Variants in NDUFA10 observed in about 807,000 individuals in gnomAD.
NDUFA10 encodes NADH:ubiquinone oxidoreductase subunit A10.
In NDUFA10, 40 loss-of-function variants were observed where a neutral mutation model predicts 47.8. That is an observed-to-expected ratio of 0.84 (90% CI 0.65 to 1.09). The LOEUF is 1.09. Among genes scored for constraint, NDUFA10 ranks in the 50% least tolerant of loss-of-function variants. NDUFA10 has a pLI of 0.00. For missense variants in NDUFA10, 413 were observed against 451.1 expected (o/e 0.92, Z 0.76); for synonymous variants, 183 against 172.2 (o/e 1.06, Z -0.49).
intron 9 of NDUFA10, among the ~76,000 whole-genome samples, chr2:239,966,220 G>T (rs2106401138): frequency 6.6e-6 from 1 of 152,282 alleles, no homozygotes; most frequent in Middle Eastern, 3.4e-3. Flanking sequence ...GACAACCTGG[G>T]CTGACTCAGT....
intron 3 of NDUFA10, among the ~76,000 whole-genome samples, chr2:240,019,818 CAAAAAAAAAAAAAA>C (rs60278142): frequency 8.2e-5 from 1 of 12,222 alleles, no homozygotes; most frequent in Non-Finnish European, 1.4e-4. Flanking sequence ...GACTCCGTCT[CAAAAAAAAAAAAAA>C]AAAAAAAAAA....
At position 240,025,342 on chromosome 2, in the gene NDUFA10, C is replaced by G; in HGVS notation, c.-41G>C. 1.4e-6 allele frequency: 2 copies of G among 1,458,838 alleles called. No homozygotes were observed. The highest frequency in any genetic ancestry group is 9.1e-7 in the Non-Finnish European group (1 of 1,101,798). The allele number at this position is 1,458,838 out of a possible 1,614,324, so 90.4% of individuals were successfully genotyped here. On this transcript the variant is annotated 5_prime_UTR_variant, in exon 1 of 10. Coordinates refer to ENST00000252711, the MANE Select transcript of NDUFA10 (RefSeq NM_004544.4). ...TCAGGATCAAGGACCCAAGGGGACGCGGTCGCGACGGGGCCCTCTCTCGCG... is the reference window on the plus strand; with the variant it reads ...TCAGGATCAAGGACCCAAGGGGACGGGGTCGCGACGGGGCCCTCTCTCGCG...
chr2:239,999,995 G>C (rs1004367392), intron 8 of NDUFA10, among the ~76,000 whole-genome samples: 1 of 152,202 alleles, frequency 6.6e-6, no homozygotes, highest in Admixed American at 6.5e-5. Context: ...GTGGCTCAGC[G>C]CATGACTCCC....
chr2:240,005,831 T>C (rs1291653768), intron 7 of NDUFA10, among the ~76,000 whole-genome samples: 1 of 152,134 alleles, frequency 6.6e-6, no homozygotes, highest in East Asian at 1.9e-4. Context: ...GGACAGACAT[T>C]ACCCTGCAGG....
At chr2:239,908,011 T>C (rs1403523341) in intron 4 of NDUFA10, among the ~76,000 whole-genome samples, 1 of 152,162 alleles carries the variant, frequency 6.6e-6, no homozygotes, top group Non-Finnish European at 1.5e-5. Flanking sequence ...TGTCCATCAA[T>C]GATAGACTGG....
intron 8 of NDUFA10, among the ~76,000 whole-genome samples, chr2:239,992,642 G>C (rs948737273): frequency 1.2e-4 from 19 of 152,184 alleles, no homozygotes; most frequent in African/African-American, 4.3e-4. Flanking sequence ...GAGAAGCAGG[G>C]ATGGTCTGAG....
chr2:239,905,858 AGGG>A (rs1693645915), intron 4 of NDUFA10, among the ~76,000 whole-genome samples: 1 of 10,938 alleles, frequency 9.1e-5, no homozygotes, highest in Non-Finnish European at 1.8e-4. Context: ...AGGGGAGGGG[AGGG>A]GAGCAGCCTG....
chr2:239,973,983 CAG>C (rs1184480912), intron 9 of NDUFA10, among the ~76,000 whole-genome samples: 2 of 152,146 alleles, frequency 1.3e-5, no homozygotes, highest in Admixed American at 1.3e-4. Flanking sequence ...GGCTAGAACA[CAG>C]TGGCAATTCT....
intron 4 of NDUFA10, among the ~76,000 whole-genome samples, chr2:239,949,900 G>A (rs77948201): frequency 0.075 from 11,414 of 152,216 alleles, 958 homozygotes; most frequent in African/African-American, 0.21. Flanking sequence ...CAGAATCCTT[G>A]TAACTGTCTC....
chr2:239,897,631 C>T (rs1275449077), intron 4 of NDUFA10, among the ~76,000 whole-genome samples: 6 of 152,194 alleles, frequency 3.9e-5, no homozygotes, highest in South Asian at 2.1e-4. Context: ...CCCAGGCTTC[C>T]GGATTCCAGG....
At chr2:239,920,180 C>T (rs544401339) in intron 4 of NDUFA10, among the ~76,000 whole-genome samples, 2 of 152,344 alleles carry the variant, frequency 1.3e-5, no homozygotes, top group African/African-American at 4.8e-5. Context: ...ATGCTGCTTC[C>T]TCTCTCTCCA....
intron 4 of NDUFA10, among the ~76,000 whole-genome samples, chr2:239,903,960 C>G (rs1339659304): frequency 1.3e-5 from 2 of 152,196 alleles, no homozygotes; most frequent in African/African-American, 4.8e-5. Flanking sequence ...CAGGGGCAGG[C>G]AATGGTAACA....
intron 4 of NDUFA10, among the ~76,000 whole-genome samples, chr2:239,912,341 G>T (rs950237878): frequency 2.0e-5 from 3 of 152,190 alleles, no homozygotes; most frequent in African/African-American, 7.2e-5. Context: ...GTGGGGCCGA[G>T]CTGCAGCTGG....
At chr2:240,017,710 C>T (rs779007599) in intron 4 of NDUFA10, 284 of 866,486 alleles carry the variant, frequency 3.3e-4, no homozygotes, top group Non-Finnish European at 4.7e-4. Context: ...ATCAGAAGCA[C>T]GGGCTTGCAG....
At chr2:239,896,754 C>T (rs779027003) in intron 4 of NDUFA10, among the ~76,000 whole-genome samples, 16 of 151,984 alleles carry the variant, frequency 1.1e-4, no homozygotes, top group African/African-American at 3.4e-4. Flanking sequence ...GGAAAATGCC[C>T]GATCCGTGAA....
Position 239,960,983 on chromosome 2 carries a change from G to T in NDUFA10, c.*135C>A. On this transcript the variant is annotated 3_prime_UTR_variant, in exon 10 of 10. Transcript: ENST00000252711. Reference sequence around the variant, plus strand: ...TACTACAGGATGGATTGCTTTTTGTGAGACCCCTTCTTCCACTGTGCAATT... The same window carrying T: ...TACTACAGGATGGATTGCTTTTTGTTAGACCCCTTCTTCCACTGTGCAATT... The T allele has an allele frequency of 6.5e-7, 1 of 1,542,332 alleles. No individual in the cohort carries two copies. Among genetic ancestry groups the T allele is most frequent in the Non-Finnish European group, 8.7e-7 (1 of 1,143,742 alleles).
At chr2:240,011,845 G>A in intron 5 of NDUFA10, 149 bp from the exon 6 acceptor site, 1 of 712,264 alleles carries the variant, frequency 1.4e-6, no homozygotes, top group African/African-American at 1.7e-5. Context: ...GACAGCAAAG[G>A]GTCCCAACAT....
chr2:239,977,197 G>A (rs556507659), intron 9 of NDUFA10, among the ~76,000 whole-genome samples: 82 of 152,232 alleles, frequency 5.4e-4, no homozygotes, highest in Non-Finnish European at 9.7e-4. Flanking sequence ...TAACAGTAAC[G>A]AAGGCCACTG....
At chr2:239,918,550 C>A (rs1559280644) in intron 4 of NDUFA10, among the ~76,000 whole-genome samples, 1 of 152,224 alleles carries the variant, frequency 6.6e-6, no homozygotes, top group African/African-American at 2.4e-5. Flanking sequence ...CACTTTCTCA[C>A]CCATGAACAC....
Sources: gnomAD v4.1 joint callset for allele counts (sites outside exome capture counted in the v4.1 genomes callset) on GRCh38, gnomAD v4.1.1 for gene constraint, MANE v1.5 for transcripts, NCBI Gene and HGNC (gene_info 2026-07-23, HGNC 2026-07-21) for gene names.